Variants in PAQR8 observed in about 807,000 individuals in gnomAD.
PAQR8 encodes the protein progestin and adipoQ receptor family member 8, also known as membrane progestin receptor beta.
Under a neutral mutation model 25.2 loss-of-function variants are expected in PAQR8, and 17 were observed. The ratio of observed to expected loss-of-function variants is 0.67; its 90% CI spans 0.46 to 1.01. PAQR8 has a LOEUF of 1.01. Ranked by LOEUF, PAQR8 falls within the 50% of genes least tolerant of loss-of-function variation. The pLI is 0.00. For missense variants in PAQR8, 392 were observed against 448.4 expected, an observed-to-expected ratio of 0.87 and a Z score of 1.14; for synonymous variants, 204 against 190.6, an observed-to-expected ratio of 1.07 and a Z score of -0.58.
chr6:52,386,775 T>C (rs2113944146), intron 1 of PAQR8, among the ~76,000 whole-genome samples: 1 of 152,330 alleles, frequency 6.6e-6, no homozygotes, highest in East Asian at 1.9e-4. Context: ...CATCATGCAA[T>C]ATACTCTTGT....
rs75521631 is a variant in PAQR8 at position 52,393,277 on chromosome 6, G to A, written c.-52-9885G>A. ...TTCAAAGCACCCAAAACACTGTCTG[G>A]TATGTGCTAAACATCATATAAGTGT... is the stretch of plus-strand genomic sequence containing the variant. On this transcript the variant is annotated intron_variant, in intron 1 of 1. Coordinates refer to ENST00000442253, the MANE Select transcript of PAQR8 (RefSeq NM_133367.5). Among the ~76,000 whole-genome samples, 774 of 151,404 alleles carry A rather than the reference G, an allele frequency of 5.1e-3. 8 individuals carry two copies. Among genetic ancestry groups the A allele is most frequent in the African/African-American group, 0.018 (744 of 41,318 alleles).
At chr6:52,374,799 T>C (rs1359064610) in intron 1 of PAQR8, among the ~76,000 whole-genome samples, 1 of 152,088 alleles carries the variant, frequency 6.6e-6, no homozygotes, top group East Asian at 1.9e-4. Context: ...AGCTCTTTTT[T>C]TAACCATCTT....
At chr6:52,364,392 A>C (rs1221488674) in intron 1 of PAQR8, among the ~76,000 whole-genome samples, 2 of 152,172 alleles carry the variant, frequency 1.3e-5, no homozygotes, top group Non-Finnish European at 2.9e-5. Flanking sequence ...CTGCACTATC[A>C]TTCCTGCAGC....
At chr6:52,367,631 G>A (rs763432822) in intron 1 of PAQR8, among the ~76,000 whole-genome samples, 14 of 152,168 alleles carry the variant, frequency 9.2e-5, no homozygotes, top group Non-Finnish European at 1.5e-4. Context: ...GGCCTCCAGC[G>A]TCTCTGGTAC....
At chr6:52,383,031 C>T (rs1763581395) in intron 1 of PAQR8, among the ~76,000 whole-genome samples, 1 of 152,180 alleles carries the variant, frequency 6.6e-6, no homozygotes, top group Non-Finnish European at 1.5e-5. Flanking sequence ...AGTGATCAGC[C>T]TCCCAAAGTG....
At chr6:52,382,490 A>G (rs1763572690) in intron 1 of PAQR8, among the ~76,000 whole-genome samples, 1 of 152,244 alleles carries the variant, frequency 6.6e-6, no homozygotes, top group Admixed American at 6.5e-5. Context: ...ATATTCATAC[A>G]GTGGAAGTAG....
intron 1 of PAQR8, among the ~76,000 whole-genome samples, chr6:52,398,204 C>CTTTTTTTTTTTT (rs869285681): frequency 2.6e-4 from 22 of 85,798 alleles, no homozygotes; most frequent in South Asian, 8.3e-4. Flanking sequence ...TTTCTTTTTT[C>CTTTTTTTTTTTT]TTTTTTTTTT....
chr6:52,399,151 T>C (rs926287619), intron 1 of PAQR8, among the ~76,000 whole-genome samples: 3 of 152,254 alleles, frequency 2.0e-5, no homozygotes, highest in African/African-American at 7.2e-5. Flanking sequence ...TTTGGACTTG[T>C]ACCTCTCTGC....
chr6:52,380,350 T>C (rs16882435), intron 1 of PAQR8, among the ~76,000 whole-genome samples: 4,981 of 152,312 alleles, frequency 0.033, 96 homozygotes, highest in Middle Eastern at 0.061. Flanking sequence ...TCAAGCTGTG[T>C]ATATCTTTTA....
chr6:52,375,431 C>T (rs1049847569), intron 1 of PAQR8, among the ~76,000 whole-genome samples: 1 of 152,198 alleles, frequency 6.6e-6, no homozygotes. Flanking sequence ...AGCTAGGGAG[C>T]AGATCTCCTC....
intron 1 of PAQR8, among the ~76,000 whole-genome samples, chr6:52,396,867 C>A (rs921788290): frequency 6.6e-6 from 1 of 152,106 alleles, no homozygotes; most frequent in South Asian, 2.1e-4. Context: ...TTGGACACAT[C>A]TAGAGAAGTT....
intron 1 of PAQR8, among the ~76,000 whole-genome samples, chr6:52,364,090 T>G (rs1346294488): frequency 7.0e-6 from 1 of 143,762 alleles, no homozygotes; most frequent in Non-Finnish European, 1.5e-5. Flanking sequence ...TATGTTTTTT[T>G]TTTTTTTTTT....
intron 1 of PAQR8, among the ~76,000 whole-genome samples, chr6:52,384,264 G>A (rs929817758): frequency 6.6e-6 from 1 of 152,186 alleles, no homozygotes; most frequent in African/African-American, 2.4e-5. Context: ...CCATGGCTGA[G>A]GTTAAAAGGA....
At chr6:52,390,868 G>C (rs902036511) in intron 1 of PAQR8, among the ~76,000 whole-genome samples, 1 of 152,114 alleles carries the variant, frequency 6.6e-6, no homozygotes, top group Non-Finnish European at 1.5e-5. Flanking sequence ...TTCTTGGGGA[G>C]GGTCTTAATA....
rs1763757846 is a variant in PAQR8 at position 52,395,506 on chromosome 6, C to T, written c.-52-7656C>T. Among the ~76,000 whole-genome samples the T allele has an allele frequency of 3.3e-5, 5 of 152,260 alleles. No individual in the cohort carries two copies. In the South Asian group the frequency reaches 1.0e-3, roughly 32 times the overall value. On this transcript the variant is annotated intron_variant, in intron 1 of 1. Transcript: ENST00000442253. The stretch of plus-strand genomic sequence containing the variant: ...TGTCCAAATGAATGTCCTCCATGGG[C>T]ACTTCAAACTCAACATTTTCAAACA...
intron 1 of PAQR8, among the ~76,000 whole-genome samples, chr6:52,384,625 C>T (rs1763608466): frequency 6.6e-6 from 1 of 152,118 alleles, no homozygotes. Context: ...AACCTGAAAT[C>T]TTGGAGCTAA....
At position 52,403,372 on chromosome 6, in the gene PAQR8, C is replaced by T. The variant is rs1452241577; in HGVS notation, c.159C>T (p.Thr53=). 5.0e-6 allele frequency: 8 copies of T among 1,614,120 alleles called. No individual in the cohort carries two copies. Among genetic ancestry groups the T allele is most frequent in the Admixed American group, 3.3e-5 (2 of 60,016 alleles). ...TCTTCCGGGAGCCTTACATCCGCAC[C>T]GGCTACCGCCCCACGGGGCACGAGT... ...PQLFREPYIR[T]GYRPTGHEWR... The change falls in exon 2 of 2, where the codon ACC becomes ACT. Residue 53 remains threonine, a synonymous_variant. Transcript: ENST00000442253.
At chr6:52,389,635 A>G (rs1410627523) in intron 1 of PAQR8, among the ~76,000 whole-genome samples, 1 of 152,252 alleles carries the variant, frequency 6.6e-6, no homozygotes, top group African/African-American at 2.4e-5. Context: ...TTGACTCTTT[A>G]TAGCAAATAA....
At chr6:52,363,046 C>T (rs1388448583) in intron 1 of PAQR8, among the ~76,000 whole-genome samples, 1 of 152,040 alleles carries the variant, frequency 6.6e-6, no homozygotes, top group Non-Finnish European at 1.5e-5. Context: ...GAACGCAGCG[C>T]CCTCGGTGGA....
Sources: allele counts gnomAD v4.1 joint callset (sites outside exome capture counted in the v4.1 genomes callset), GRCh38; gene constraint gnomAD v4.1.1; transcripts MANE v1.5; gene names NCBI Gene and HGNC (gene_info 2026-07-23, HGNC 2026-07-21).